Variants in RNFT2 observed in about 807,000 individuals in gnomAD.
The protein encoded by RNFT2 is ring finger protein, transmembrane 2.
In RNFT2, 36 loss-of-function variants were observed where a neutral mutation model predicts 53.0. The observed-to-expected ratio is 0.68, with a 90% CI of 0.52 to 0.90. The LOEUF (loss-of-function observed/expected upper bound fraction) is 0.90. Among genes scored for constraint, RNFT2 ranks in the 40% least tolerant of loss-of-function variants. The pLI is 0.00. For missense variants in RNFT2, 514 were observed against 585.6 expected (o/e 0.88, Z 1.26); for synonymous variants, 260 against 253.2 (o/e 1.03, Z -0.26).
intron 3 of RNFT2, among the ~76,000 whole-genome samples, chr12:116,745,975 G>A (rs1292596857): frequency 6.6e-6 from 1 of 152,098 alleles, no homozygotes; most frequent in African/African-American, 2.4e-5. Flanking sequence ...GGTGGCTCAT[G>A]CTTGTAATCC....
intron 5 of RNFT2, among the ~76,000 whole-genome samples, chr12:116,762,947 G>C (rs745869246): frequency 4.0e-5 from 6 of 151,860 alleles, no homozygotes; most frequent in Non-Finnish European, 7.4e-5. Flanking sequence ...CCAGGTGTGG[G>C]GGCATGTGCC....
At chr12:116,798,961 A>G (rs1382329388) in intron 7 of RNFT2, among the ~76,000 whole-genome samples, 1 of 152,104 alleles carries the variant, frequency 6.6e-6, no homozygotes, top group Non-Finnish European at 1.5e-5. Context: ...CTCATTTATG[A>G]GTTCACAGTT....
chr12:116,844,136 A>G (rs1877493563), intron 10 of RNFT2, among the ~76,000 whole-genome samples: 1 of 152,164 alleles, frequency 6.6e-6, no homozygotes, highest in African/African-American at 2.4e-5. Flanking sequence ...ATGAGTATAC[A>G]GTGGAGTTTT....
At chr12:116,780,483 C>G (rs1873644883) in intron 7 of RNFT2, among the ~76,000 whole-genome samples, 1 of 152,100 alleles carries the variant, frequency 6.6e-6, no homozygotes, top group Non-Finnish European at 1.5e-5. Context: ...GTAATGCTTG[C>G]TCACCCACTG....
chr12:116,841,874 T>A (rs1489527804), intron 10 of RNFT2, among the ~76,000 whole-genome samples: 3 of 24,510 alleles, frequency 1.2e-4, no homozygotes, highest in Middle Eastern at 8.8e-3. Context: ...TATATAAATA[T>A]ATATATAAAT....
chr12:116,765,487 A>G lies in RNFT2; in HGVS notation c.628-1327A>G, dbSNP rs114965132. Among the ~76,000 whole-genome samples, 553 of 152,292 alleles carry G rather than the reference A, an allele frequency of 3.6e-3. 1 individual carries two copies. Among genetic ancestry groups the G allele is most frequent in the African/African-American group, 0.012 (519 of 41,556 alleles). The stretch of plus-strand genomic sequence containing the variant: ...TTACCGAAACCACAGGGAAGGTTAC[A>G]CTGGGAAAGTTATGACCTCATCTTA... On this transcript the variant is annotated intron_variant, in intron 5 of 10. Coordinates refer to ENST00000257575, the MANE Select transcript of RNFT2 (RefSeq NM_001382266.1).
chr12:116,841,910 TATATATATAAAA>T (rs1877340231), intron 10 of RNFT2, among the ~76,000 whole-genome samples: 1 of 38,198 alleles, frequency 2.6e-5, no homozygotes, highest in South Asian at 8.6e-4. Flanking sequence ...TATATATAAA[TATATATATAAAA>T]ATATATATAT....
At chr12:116,841,826 TATATATAA>T in intron 10 of RNFT2, among the ~76,000 whole-genome samples, 1 of 29,816 alleles carries the variant, frequency 3.4e-5, no homozygotes, top group East Asian at 6.8e-4. Flanking sequence ...TAAAAATATA[TATATATAA>T]ATATATATAT....
intron 10 of RNFT2, among the ~76,000 whole-genome samples, chr12:116,848,486 C>T (rs1264017427): frequency 6.6e-6 from 1 of 152,058 alleles, no homozygotes; most frequent in Admixed American, 6.6e-5. Flanking sequence ...GAGCCAAAGA[C>T]CTCACAATGG....
At chr12:116,804,568 A>G (rs1274197661) in intron 7 of RNFT2, among the ~76,000 whole-genome samples, 1 of 152,230 alleles carries the variant, frequency 6.6e-6, no homozygotes, top group Non-Finnish European at 1.5e-5. Flanking sequence ...AGTAATGATC[A>G]TCTCACTACA....
chr12:116,851,963 C>T lies in RNFT2; in HGVS notation c.*2515C>T. 1 of 1,515,738 alleles carries T rather than the reference C, an allele frequency of 6.6e-7. No individual in the cohort carries two copies. The allele number at this position is 1,515,738 out of a possible 1,614,324, so 93.9% of individuals were successfully genotyped here. On this transcript the variant is annotated 3_prime_UTR_variant, in exon 11 of 11. Transcript: ENST00000257575. Reference sequence around the variant, plus strand: ...CTGGTAGCCTTCAGAGCAAACAGGACAACCTATGTTATGGATGTTTCCACC... The same window carrying T: ...CTGGTAGCCTTCAGAGCAAACAGGATAACCTATGTTATGGATGTTTCCACC...
rs1472994573 is a variant in RNFT2, at chr12:116,825,876, C to T, written c.883-7916C>T. Among the ~76,000 whole-genome samples the T allele has an allele frequency of 2.0e-5, 3 of 152,036 alleles. No homozygotes were observed. The East Asian group carries it at 5.8e-4, about 29-fold the overall frequency. ...AGATGTGACCTTAGAATCCCAAATC[C>T]CACGCCTTTAAACCACTAGGCTGTC... On this transcript the variant is annotated intron_variant, in intron 7 of 10. Transcript: ENST00000257575.
At chr12:116,834,875 A>T (rs1200868624) in intron 8 of RNFT2, among the ~76,000 whole-genome samples, 10 of 142,836 alleles carry the variant, frequency 7.0e-5, no homozygotes, top group Non-Finnish European at 1.1e-4. Flanking sequence ...TTTTAGACCG[A>T]GTCTCGCTCT....
intron 7 of RNFT2, among the ~76,000 whole-genome samples, chr12:116,830,392 A>T (rs1026855087): frequency 6.6e-6 from 1 of 152,064 alleles, no homozygotes; most frequent in Admixed American, 6.5e-5. Context: ...GGCTCAAGCA[A>T]TTCTCCCACC....
chr12:116,779,456 C>A, intron 7 of RNFT2, 108 bp downstream of exon 7: 1 of 1,190,472 alleles, frequency 8.4e-7, no homozygotes, highest in Non-Finnish European at 1.2e-6. Context: ...CTGATGTCAG[C>A]ATATAAAATA....
At chr12:116,773,540 C>T (rs561812055) in intron 6 of RNFT2, among the ~76,000 whole-genome samples, 16 of 152,276 alleles carry the variant, frequency 1.1e-4, no homozygotes, top group Admixed American at 5.9e-4. Flanking sequence ...AAAGACAGAG[C>T]GCTTCTGGTT....
intron 2 of RNFT2, 39 bp downstream of exon 2, chr12:116,740,560 C>A: frequency 6.5e-7 from 1 of 1,547,400 alleles, no homozygotes; most frequent in Non-Finnish European, 8.8e-7. Context: ...TTTATTACTA[C>A]TTGATTAAAT....
intron 4 of RNFT2, among the ~76,000 whole-genome samples, chr12:116,750,859 T>A (rs1274576556): frequency 9.6e-4 from 3 of 3,118 alleles, no homozygotes; most frequent in African/African-American, 2.4e-3. Context: ...ATAATATATA[T>A]TATATATATA....
At chr12:116,753,148 CTTTTTTT>C (rs11377177) in intron 4 of RNFT2, among the ~76,000 whole-genome samples, 8 of 93,690 alleles carry the variant, frequency 8.5e-5, no homozygotes, top group African/African-American at 2.2e-4. Context: ...TTTTCTTTTT[CTTTTTTT>C]TTTTTTTTTT....
Sources: gnomAD v4.1 joint callset for allele counts (sites outside exome capture counted in the v4.1 genomes callset) on GRCh38, gnomAD v4.1.1 for gene constraint, MANE v1.5 for transcripts, NCBI Gene and HGNC (gene_info 2026-07-23, HGNC 2026-07-21) for gene names.